BOP1: variants seen among roughly 807,000 people sequenced by gnomAD.
The protein encoded by BOP1 is BOP1 ribosomal biogenesis factor.
Under a neutral mutation model 82.9 loss-of-function variants are expected in BOP1, and 54 were observed. That is an observed-to-expected ratio of 0.65 (90% CI 0.52 to 0.82). BOP1 has a LOEUF of 0.82. BOP1 is among the 40% of genes least tolerant of loss of function. BOP1 has a pLI of 0.00. For synonymous variants in BOP1, 566 were observed against 451.1 expected (o/e 1.25, Z -3.23); for missense variants, 1,170 against 1,072.0 (o/e 1.09, Z -1.28).
intron 3 of BOP1, 61 bp downstream of exon 3, chr8:144,276,163 C>T: frequency 6.3e-7 from 1 of 1,593,146 alleles, no homozygotes; most frequent in Middle Eastern, 2.2e-4. Context: ...ACCCCCAGCA[C>T]CTGCTAGGCT....
At chr8:144,276,360 T>C in intron 2 of BOP1, 56 bp from the exon 3 acceptor site, 3 of 1,591,096 alleles carry the variant, frequency 1.9e-6, no homozygotes, top group Non-Finnish European at 2.6e-6. Flanking sequence ...CCCTTTGACC[T>C]TGGGGGGATC....
At chr8:144,277,511 C>T (rs879177966) in intron 2 of BOP1, among the ~76,000 whole-genome samples, 5 of 152,268 alleles carry the variant, frequency 3.3e-5, no homozygotes, top group East Asian at 3.8e-4. Context: ...TCACAGTGGC[C>T]GGGGCTGAAG....
rs951831125 is a variant in BOP1 at position 144,273,025 on chromosome 8, G to A, written c.390+3199C>T. ...CAGGCGGCCGCGGGGGTGGATGGCCGCCAGGGAGATTGGGGCGGTCTGCAG... is the reference window on the plus strand; with the variant it reads ...CAGGCGGCCGCGGGGGTGGATGGCCACCAGGGAGATTGGGGCGGTCTGCAG... On this transcript the variant is annotated intron_variant, in intron 3 of 15. Transcript: ENST00000569669. Among the ~76,000 whole-genome samples, 9 of 152,278 alleles carry A rather than the reference G, an allele frequency of 5.9e-5. No individual in the cohort carries two copies. The East Asian group carries it at 1.4e-3, about 23-fold the overall frequency.
intron 3 of BOP1, chr8:144,267,131 C>G (rs1203234012): frequency 6.6e-7 from 1 of 1,511,186 alleles, no homozygotes; most frequent in Non-Finnish European, 8.8e-7. Flanking sequence ...GGCGAGAACA[C>G]CCAGCCCAAA....
At chr8:144,287,904 G>A (rs894524932) in intron 2 of BOP1, among the ~76,000 whole-genome samples, 10 of 152,156 alleles carry the variant, frequency 6.6e-5, no homozygotes, top group Admixed American at 1.3e-4. Context: ...TGCCAAGGCC[G>A]TAACTTCCAG....
chr8:144,283,801 ACGCTCCAAGCACC>A (rs1192732923), intron 2 of BOP1, among the ~76,000 whole-genome samples: 2 of 152,130 alleles, frequency 1.3e-5, no homozygotes, highest in African/African-American at 2.4e-5. Context: ...TAGCGGAGGG[ACGCTCCAAGCACC>A]TTCACAATTA....
chr8:144,288,949 A>G (rs1242388783), intron 2 of BOP1, 146 bp downstream of exon 2: 2 of 807,408 alleles, frequency 2.5e-6, no homozygotes, highest in Non-Finnish European at 4.0e-6. Flanking sequence ...CCTAGAGCCC[A>G]AGCGTGCCCC....
intron 3 of BOP1, chr8:144,268,119 A>G: frequency 6.4e-7 from 1 of 1,551,652 alleles, no homozygotes; most frequent in Non-Finnish European, 8.7e-7. Context: ...GGACCGCGAC[A>G]GAAAGACAGC....
chr8:144,268,083 A>G, intron 3 of BOP1: 2 of 1,549,624 alleles, frequency 1.3e-6, no homozygotes, highest in Non-Finnish European at 1.7e-6. Flanking sequence ...GGGGCCTGAC[A>G]CTCCTCCCTC....
Position 144,264,242 on chromosome 8 carries a change from G to C in BOP1, c.961C>G (p.Leu321Val). ...AESYNPPPEYLLSEEERLAWE... is the reference protein window; with the variant it reads ...AESYNPPPEYVLSEEERLAWE... The stretch of plus-strand genomic sequence containing the variant: ...AGGCCCACCTCCTCCTCGCTGAGCA[G>C]GTATTCAGGGGGTGGGTTGTACGAC... The change falls in exon 7 of 16, where the codon CTG (leucine) becomes GTG (valine). Residue 321 changes from leucine to valine, a missense_variant. Transcript: ENST00000569669. The C allele has an allele frequency of 6.2e-7, 1 of 1,609,716 alleles. No individual in the cohort carries two copies. The highest frequency in any genetic ancestry group is 8.5e-7 in the Non-Finnish European group (1 of 1,178,948).
intron 2 of BOP1, among the ~76,000 whole-genome samples, chr8:144,287,021 G>T (rs947061293): frequency 7.2e-5 from 11 of 152,206 alleles, no homozygotes; most frequent in African/African-American, 2.7e-4. Flanking sequence ...ACATTGTTTT[G>T]GTTTTTGAGG....
intron 2 of BOP1, among the ~76,000 whole-genome samples, chr8:144,281,087 C>CAGTTTAAT (rs1845668646): frequency 2.0e-5 from 3 of 148,400 alleles, no homozygotes; most frequent in South Asian, 2.1e-4. Flanking sequence ...GGCCTTCTCT[C>CAGTTTAAT]ACTTTAATAC....
Position 144,264,445 on chromosome 8 carries a change from G to C in BOP1, c.766-8C>G, listed in dbSNP as rs1297459950. 6.9e-6 allele frequency: 11 copies of C among 1,604,924 alleles called. No individual in the cohort carries two copies. The Admixed American group carries it at 1.3e-4, about 19-fold the overall frequency. ...GTGCACCATGCGAGAGACCTGCATA[G>C]ACAGCCGGGTCAGGACGGGCAGTGC... On this transcript the variant is annotated splice_region_variant and splice_polypyrimidine_tract_variant and intron_variant, in intron 6 of 15. Coordinates refer to ENST00000569669, the MANE Select transcript of BOP1 (RefSeq NM_015201.5).
intron 10 of BOP1, 28 bp from the exon 11 acceptor site, chr8:144,263,638 A>G: frequency 6.2e-7 from 1 of 1,607,242 alleles, no homozygotes; most frequent in Non-Finnish European, 8.5e-7. Context: ...AGCTCTCAAC[A>G]CCTGGCCATC....
chr8:144,280,480 G>A (rs1845650812), intron 2 of BOP1, among the ~76,000 whole-genome samples: 1 of 152,272 alleles, frequency 6.6e-6, no homozygotes, highest in South Asian at 2.1e-4. Context: ...GCCATTCCCA[G>A]AGCCTTCGCT....
rs1554836653 is a variant in BOP1 at position 144,262,891 on chromosome 8, T to C, written c.1856A>G (p.Asn619Ser). 3 of 1,507,024 alleles carry C rather than the reference T, an allele frequency of 2.0e-6. No individual in the cohort carries two copies. The highest frequency in any genetic ancestry group is 1.2e-5 in the South Asian group (1 of 84,918). 93.4% of individuals were successfully genotyped at this position (1,507,024 alleles called of 1,614,324 possible). The change falls in exon 13 of 16, where the codon AAC (asparagine) becomes AGC (serine). Residue 619 changes from asparagine to serine, a missense_variant. Asn to Ser is a conservative substitution (Grantham distance 46). Coordinates refer to ENST00000569669, the MANE Select transcript of BOP1 (RefSeq NM_015201.5). ...CGCCAGGCTGGACACCCACTTGCAGTTGGGCATCAGCTTCTTGGTGAGCTC... is the reference window on the plus strand; with the variant it reads ...CGCCAGGCTGGACACCCACTTGCAGCTGGGCATCAGCTTCTTGGTGAGCTC... ...RQELTKKLMP[N>S]CKWVSSLAVH... is the part of the protein sequence containing the mutation.
intron 2 of BOP1, among the ~76,000 whole-genome samples, chr8:144,278,098 G>A (rs1461477515): frequency 6.6e-6 from 1 of 152,204 alleles, no homozygotes; most frequent in Non-Finnish European, 1.5e-5. Flanking sequence ...ACTGAGGAGG[G>A]GTCGGGCCCG....
chr8:144,267,311 A>G, intron 3 of BOP1: 1 of 1,134,100 alleles, frequency 8.8e-7, no homozygotes, highest in Non-Finnish European at 1.1e-6. Flanking sequence ...CCTGTAACAC[A>G]GGCCTGCCGG....
chr8:144,262,409 C>T lies in BOP1; in HGVS notation c.2074G>A (p.Gly692Ser). The change falls in exon 15 of 16, where the codon GGC (glycine) becomes AGC (serine). Residue 692 changes from glycine (G) to serine (S), a missense_variant. Coordinates refer to ENST00000569669, the MANE Select transcript of BOP1 (RefSeq NM_015201.5). Reference sequence around the variant, plus strand: ...GTCAGCACTCACTTGTACACCATGCCATGGCAGACGATGACACTGCCGTCG... The same window carrying T: ...GTCAGCACTCACTTGTACACCATGCTATGGCAGACGATGACACTGCCGTCG... ...SDDGSVIVCH[G>S]MVYNDLLQNP... 1.2e-6 allele frequency: 2 copies of T among 1,612,806 alleles called. No homozygotes were observed. The highest frequency in any genetic ancestry group is 1.7e-6 in the Non-Finnish European group (2 of 1,179,826).
Sources: allele counts gnomAD v4.1 joint callset (sites outside exome capture counted in the v4.1 genomes callset), GRCh38; gene constraint gnomAD v4.1.1; transcripts MANE v1.5; gene names NCBI Gene and HGNC (gene_info 2026-07-23, HGNC 2026-07-21).